KLHL1: variants seen among roughly 807,000 people sequenced by gnomAD.
KLHL1 encodes kelch like family member 1.
In KLHL1, 47 loss-of-function variants were observed where a neutral mutation model predicts 77.7. The ratio of observed to expected loss-of-function variants is 0.60; its 90% confidence interval spans 0.48 to 0.77. KLHL1 has a LOEUF of 0.77. KLHL1 is among the 30% of genes least tolerant of loss of function. The probability of loss-of-function intolerance (pLI) is 0.00; values close to 1 mark genes in which losing one functional copy is unlikely to be tolerated. For synonymous variants in KLHL1, 360 were observed against 325.2 expected, an observed-to-expected ratio of 1.11 and a Z score of -1.15; for missense variants, 925 against 910.8, an observed-to-expected ratio of 1.02 and a Z score of -0.20.
At chr13:69,956,561 G>A (rs771982860) in intron 3 of KLHL1, among the ~76,000 whole-genome samples, 19 of 151,374 alleles carry the variant, frequency 1.3e-4, no homozygotes, top group Non-Finnish European at 2.7e-4. Flanking sequence ...GTCACTTCAA[G>A]GAACTCGTAT....
intron 1 of KLHL1, among the ~76,000 whole-genome samples, chr13:69,987,614 A>G (rs1884909494): frequency 6.6e-6 from 1 of 152,006 alleles, no homozygotes; most frequent in South Asian, 2.1e-4. Flanking sequence ...GGTTGGAAGG[A>G]AGGAAAGAAG....
At chr13:70,104,191 G>A (rs533598094) in intron 1 of KLHL1, among the ~76,000 whole-genome samples, 1 of 152,216 alleles carries the variant, frequency 6.6e-6, no homozygotes, top group African/African-American at 2.4e-5. Flanking sequence ...TGTATATTTA[G>A]ACAGGGAAGT....
chr13:69,928,424 A>G (rs1882886757), intron 4 of KLHL1, among the ~76,000 whole-genome samples: 1 of 152,190 alleles, frequency 6.6e-6, no homozygotes. Context: ...TGCTGCAACC[A>G]GGTATCTCAG....
At chr13:70,031,246 G>A (rs1886094395) in intron 1 of KLHL1, among the ~76,000 whole-genome samples, 1 of 152,148 alleles carries the variant, frequency 6.6e-6, no homozygotes, top group Admixed American at 6.5e-5. Context: ...GCTTTCCTAA[G>A]CTCCTATACA....
chr13:69,796,611 C>T lies in KLHL1; in HGVS notation c.1639+127G>A, dbSNP rs1030203181. ...CAAGAAATTTTTCTATGTTAATTACCCAGGTTCAGGTATTCCTTTATCGCA... is the reference window on the plus strand; with the variant it reads ...CAAGAAATTTTTCTATGTTAATTACTCAGGTTCAGGTATTCCTTTATCGCA... On this transcript the variant is annotated intron_variant, in intron 7 of 10. Coordinates refer to ENST00000377844, the MANE Select transcript of KLHL1 (RefSeq NM_020866.3). 1.1e-5 allele frequency: 8 copies of T among 706,184 alleles called. No homozygotes were observed. In the African/African-American group the frequency reaches 1.3e-4, roughly 11 times the overall value. The allele number at this position is 706,184 out of a possible 1,614,324, so 43.7% of individuals were successfully genotyped here.
intron 6 of KLHL1, among the ~76,000 whole-genome samples, chr13:69,809,318 A>G (rs1277341385): frequency 6.6e-6 from 1 of 152,146 alleles, no homozygotes; most frequent in Non-Finnish European, 1.5e-5. Context: ...AAAGGGTCAT[A>G]TTACCTACAA....
rs148207075 is a variant in KLHL1, at chr13:69,757,318, C to A, written c.1640-16762G>T. ...CAAGACAATTTCATTATTTCTGTGG[C>A]CAAAATAATTTAACATAATAATCAA... On this transcript the variant is annotated intron_variant, in intron 7 of 10. Coordinates refer to ENST00000377844, the MANE Select transcript of KLHL1 (RefSeq NM_020866.3). Among the ~76,000 whole-genome samples, 101 of 151,874 alleles carry A rather than the reference C, an allele frequency of 6.7e-4. 1 individual carries two copies. The highest frequency in any genetic ancestry group is 1.3e-3 in the Non-Finnish European group (91 of 67,954).
At chr13:70,088,020 C>T (rs1362637981) in intron 1 of KLHL1, among the ~76,000 whole-genome samples, 1 of 152,050 alleles carries the variant, frequency 6.6e-6, no homozygotes, top group African/African-American at 2.4e-5. Context: ...ATCACCATGG[C>T]ACATGTTTAT....
intron 1 of KLHL1, among the ~76,000 whole-genome samples, chr13:70,042,943 T>A (rs1886411275): frequency 6.6e-6 from 1 of 152,190 alleles, no homozygotes; most frequent in South Asian, 2.1e-4. Context: ...TCTCACTCTG[T>A]TGCCCAGGCT....
At chr13:69,889,664 T>C (rs1881354065) in intron 4 of KLHL1, among the ~76,000 whole-genome samples, 1 of 152,082 alleles carries the variant, frequency 6.6e-6, no homozygotes, top group Non-Finnish European at 1.5e-5. Flanking sequence ...ATGGGTGATT[T>C]AATTTGGAGA....
At chr13:69,827,186 T>C (rs1593866124) in intron 6 of KLHL1, among the ~76,000 whole-genome samples, 1 of 151,566 alleles carries the variant, frequency 6.6e-6, no homozygotes, top group Admixed American at 6.6e-5. Context: ...AATTTTGGTA[T>C]ATAAAATTAA....
intron 6 of KLHL1, among the ~76,000 whole-genome samples, chr13:69,836,245 GC>G (rs1878986133): frequency 6.6e-6 from 1 of 152,162 alleles, no homozygotes; most frequent in East Asian, 1.9e-4. Context: ...GCAGCTCAGG[GC>G]AATCAAGGCA....
intron 8 of KLHL1, among the ~76,000 whole-genome samples, chr13:69,721,089 A>ATATATACATATATACAAATT (rs1256189383): frequency 1.3e-5 from 1 of 77,916 alleles, no homozygotes; most frequent in Admixed American, 1.4e-4. Context: ...AAAGCTATGT[A>ATATATACATATATACAAATT]CCTCCCTTAC....
At chr13:70,093,042 GAAT>G (rs1887704883) in intron 1 of KLHL1, among the ~76,000 whole-genome samples, 1 of 151,958 alleles carries the variant, frequency 6.6e-6, no homozygotes, top group African/African-American at 2.4e-5. Flanking sequence ...TAAAGACATT[GAAT>G]AACATTAATG....
chr13:69,889,815 A>C (rs1221829683), intron 4 of KLHL1, among the ~76,000 whole-genome samples: 1 of 152,088 alleles, frequency 6.6e-6, no homozygotes, highest in Non-Finnish European at 1.5e-5. Context: ...AGACTAAATT[A>C]AATTTACTAT....
chr13:69,976,923 C>A (rs4448818), intron 1 of KLHL1, among the ~76,000 whole-genome samples: 16 of 152,082 alleles, frequency 1.1e-4, no homozygotes, highest in African/African-American at 3.9e-4. Flanking sequence ...AAGGTATTTA[C>A]TAGTTATTAA....
chr13:70,068,125 A>C (rs2137413930), intron 1 of KLHL1, among the ~76,000 whole-genome samples: 1 of 151,818 alleles, frequency 6.6e-6, no homozygotes, highest in Middle Eastern at 3.5e-3. Context: ...GCGGATCACG[A>C]GGTCAGGAGA....
chr13:70,012,462 C>T (rs1336134020), intron 1 of KLHL1, among the ~76,000 whole-genome samples: 3 of 152,054 alleles, frequency 2.0e-5, no homozygotes, highest in Non-Finnish European at 2.9e-5. Flanking sequence ...TCTGAGGAAC[C>T]TTCTCCTTCC....
At chr13:70,044,137 C>A (rs1243382768) in intron 1 of KLHL1, among the ~76,000 whole-genome samples, 1 of 152,076 alleles carries the variant, frequency 6.6e-6, no homozygotes, top group Admixed American at 6.6e-5. Flanking sequence ...TCCTTCTTTT[C>A]TTATCTCTTC....
Sources: gnomAD v4.1 joint callset for allele counts (sites outside exome capture counted in the v4.1 genomes callset) on GRCh38, gnomAD v4.1.1 for gene constraint, MANE v1.5 for transcripts, NCBI Gene and HGNC (gene_info 2026-07-23, HGNC 2026-07-21) for gene names.